The following PDE4B variants were observed in gnomAD, a reference collection of about 807,000 sequenced individuals.
The protein encoded by PDE4B is phosphodiesterase 4B.
In PDE4B, 20 loss-of-function variants were observed where a neutral mutation model predicts 82.2. The observed-to-expected ratio is 0.24, with a 90% confidence interval of 0.17 to 0.35. The LOEUF is 0.35. PDE4B is among the 10% of genes least tolerant of loss of function. The probability of loss-of-function intolerance (pLI) is 1.00; values close to 1 mark genes in which losing one functional copy is unlikely to be tolerated. For missense variants in PDE4B, 655 were observed against 907.2 expected, an observed-to-expected ratio of 0.72 and a Z score of 3.57; for synonymous variants, 320 against 318.9, an observed-to-expected ratio of 1.00 and a Z score of -0.04.
intron 7 of PDE4B, among the ~76,000 whole-genome samples, chr1:66,295,247 G>T (rs1352558993): frequency 6.6e-6 from 1 of 152,076 alleles, no homozygotes; most frequent in Non-Finnish European, 1.5e-5. Flanking sequence ...ACAGGCCCTT[G>T]GTAGGGGCAG....
At chr1:66,040,574 C>T (rs1479017842) in intron 3 of PDE4B, among the ~76,000 whole-genome samples, 1 of 151,970 alleles carries the variant, frequency 6.6e-6, no homozygotes, top group African/African-American at 2.4e-5. Context: ...TATGCTGAAG[C>T]ACAGGGTGCT....
At chr1:66,263,370 G>A (rs1654819540) in intron 6 of PDE4B, among the ~76,000 whole-genome samples, 1 of 152,242 alleles carries the variant, frequency 6.6e-6, no homozygotes, top group Non-Finnish European at 1.5e-5. Context: ...CAAAGGCACA[G>A]CAACAAAAGA....
intron 3 of PDE4B, among the ~76,000 whole-genome samples, chr1:66,012,115 T>C (rs961758688): frequency 1.1e-4 from 17 of 152,202 alleles, no homozygotes; most frequent in African/African-American, 3.6e-4. Context: ...GCATGCCACA[T>C]TTTTTTAGCC....
chr1:66,324,603 G>T (rs1164502232), intron 7 of PDE4B, among the ~76,000 whole-genome samples: 1 of 152,172 alleles, frequency 6.6e-6, no homozygotes, highest in Non-Finnish European at 1.5e-5. Flanking sequence ...ATTTGCTAAA[G>T]AGATCGGCAT....
At chr1:65,988,828 G>C (rs1018668925) in intron 3 of PDE4B, among the ~76,000 whole-genome samples, 2 of 151,912 alleles carry the variant, frequency 1.3e-5, no homozygotes, top group African/African-American at 2.4e-5. Context: ...TATAATAGTT[G>C]AAAAGTAGTT....
rs944575832 is a variant in PDE4B at position 66,239,314 on chromosome 1, C to T, written c.282-8146C>T. On this transcript the variant is annotated intron_variant, in intron 3 of 16. Coordinates refer to ENST00000341517, the MANE Select transcript of PDE4B (RefSeq NM_002600.4). ...GCAGAATCAATGCAAAGCCACCCCC[C>T]TCCCTGGCCCTTTATAATGTCTACA... Among the ~76,000 whole-genome samples the T allele has an allele frequency of 2.0e-5, 3 of 152,258 alleles. No individual in the cohort carries two copies. In the South Asian group the frequency reaches 6.2e-4, roughly 32 times the overall value.
intron 3 of PDE4B, among the ~76,000 whole-genome samples, chr1:65,956,442 C>T (rs777854442): frequency 3.9e-5 from 6 of 152,062 alleles, no homozygotes; most frequent in Non-Finnish European, 8.8e-5. Context: ...AAAACACACA[C>T]GTACATGTCT....
intron 1 of PDE4B, among the ~76,000 whole-genome samples, chr1:65,804,111 C>G (rs1483573806): frequency 6.6e-6 from 1 of 152,096 alleles, no homozygotes; most frequent in Non-Finnish European, 1.5e-5. Context: ...GCTTAGGGGA[C>G]TTGTCTAATG....
intron 15 of PDE4B, 74 bp downstream of exon 15, chr1:66,368,139 CA>C: frequency 6.6e-7 from 1 of 1,524,028 alleles, no homozygotes; most frequent in South Asian, 1.2e-5. Context: ...AAAAAGAAAA[CA>C]AAGATAAATT....
chr1:66,157,792 A>AT (rs1646529704), intron 3 of PDE4B, among the ~76,000 whole-genome samples: 2 of 152,000 alleles, frequency 1.3e-5, no homozygotes, highest in African/African-American at 4.8e-5. Flanking sequence ...TGTCCAACAA[A>AT]TAGATATTGA....
intron 3 of PDE4B, among the ~76,000 whole-genome samples, chr1:66,100,403 G>A (rs1245056790): frequency 6.6e-6 from 1 of 152,076 alleles, no homozygotes; most frequent in Admixed American, 6.6e-5. Context: ...AGTAAGATCT[G>A]TGAGGATAGG....
At chr1:65,934,027 A>T (rs1303676262) in intron 3 of PDE4B, among the ~76,000 whole-genome samples, 1 of 152,236 alleles carries the variant, frequency 6.6e-6, no homozygotes, top group Non-Finnish European at 1.5e-5. Context: ...TATCAGTTTA[A>T]TATAGACTAT....
At chr1:66,123,949 A>T (rs1010343706) in intron 3 of PDE4B, among the ~76,000 whole-genome samples, 1 of 152,218 alleles carries the variant, frequency 6.6e-6, no homozygotes, top group African/African-American at 2.4e-5. Flanking sequence ...TCAGCTCATG[A>T]AAGTTTTTAA....
At chr1:66,153,157 G>A (rs1460403980) in intron 3 of PDE4B, among the ~76,000 whole-genome samples, 2 of 152,086 alleles carry the variant, frequency 1.3e-5, no homozygotes, top group Non-Finnish European at 2.9e-5. Flanking sequence ...ACACCAGATT[G>A]CAAAGCTGCT....
chr1:66,065,903 T>C (rs1367362907), intron 3 of PDE4B, among the ~76,000 whole-genome samples: 3 of 151,936 alleles, frequency 2.0e-5, no homozygotes, highest in East Asian at 3.9e-4. Context: ...TCCGCTTAGG[T>C]GCTAGGGTTT....
rs1382963837 is a variant in PDE4B at position 65,807,250 on chromosome 1, G to C, written c.-71+14002G>C. On this transcript the variant is annotated intron_variant, in intron 1 of 16. Coordinates refer to ENST00000341517, the MANE Select transcript of PDE4B (RefSeq NM_002600.4). ...GAAACATTTCTCCAGCTGTCCCTCT[G>C]CATAGATTCACAGATTCACAATTAT... Among the ~76,000 whole-genome samples, 6 of 152,088 alleles carry C rather than the reference G, an allele frequency of 3.9e-5. 1 individual carries two copies. The highest frequency in any genetic ancestry group is 1.3e-4 in the Admixed American group (2 of 15,272).
intron 3 of PDE4B, among the ~76,000 whole-genome samples, chr1:66,165,240 TG>T (rs1362807936): frequency 1.3e-5 from 2 of 152,176 alleles, no homozygotes; most frequent in Admixed American, 6.5e-5. Flanking sequence ...TTGAAAAGTA[TG>T]GTTTCTGGTA....
At chr1:66,338,361 T>C (rs1660681091) in intron 8 of PDE4B, among the ~76,000 whole-genome samples, 1 of 108,820 alleles carries the variant, frequency 9.2e-6, no homozygotes, top group African/African-American at 4.2e-5. Flanking sequence ...GATCTTGTTC[T>C]TTCAACTGTG....
chr1:66,340,328 A>C (rs1660881153), intron 8 of PDE4B, among the ~76,000 whole-genome samples: 1 of 152,246 alleles, frequency 6.6e-6, no homozygotes, highest in Admixed American at 6.5e-5. Flanking sequence ...GAAACGAAGA[A>C]GACAGTAAAA....
Sources: gnomAD v4.1 joint callset for allele counts (sites outside exome capture counted in the v4.1 genomes callset) on GRCh38, gnomAD v4.1.1 for gene constraint, MANE v1.5 for transcripts, NCBI Gene and HGNC (gene_info 2026-07-23, HGNC 2026-07-21) for gene names.